Variants in CD6 observed in about 807,000 individuals in gnomAD.
CD6 encodes T-cell differentiation antigen CD6.
Under a neutral mutation model 75.3 loss-of-function variants are expected in CD6, and 53 were observed. That is an observed-to-expected ratio of 0.70 (90% CI 0.56 to 0.88). The LOEUF (loss-of-function observed/expected upper bound fraction) is 0.88. CD6 is among the 40% of genes least tolerant of loss of function. The probability of loss-of-function intolerance (pLI) is 0.00; values close to 1 mark genes in which losing one functional copy is unlikely to be tolerated. For missense variants in CD6, 770 were observed against 897.1 expected (o/e 0.86, Z 1.81); for synonymous variants, 359 against 381.5 (o/e 0.94, Z 0.69).
chr11:61,012,805 G>A (rs1859210099), intron 6 of CD6, among the ~76,000 whole-genome samples: 1 of 152,234 alleles, frequency 6.6e-6, no homozygotes, highest in Non-Finnish European at 1.5e-5. Context: ...TCCTCATGGA[G>A]GGGATGTCTG....
chr11:61,008,013 C>A, intron 3 of CD6, 103 bp downstream of exon 3: 1 of 722,048 alleles, frequency 1.4e-6, no homozygotes, highest in Non-Finnish European at 2.0e-6. Context: ...GCCCTCCAGA[C>A]CTCCACCCCC....
chr11:60,994,173 G>A (rs939835790), intron 1 of CD6, among the ~76,000 whole-genome samples: 1 of 152,160 alleles, frequency 6.6e-6, no homozygotes, highest in Non-Finnish European at 1.5e-5. Flanking sequence ...GGGCGCGGTG[G>A]CTCATGCCTG....
chr11:61,019,379 T>G lies in CD6; in HGVS notation c.*61T>G. On this transcript the variant is annotated 3_prime_UTR_variant, in exon 13 of 13. Coordinates refer to ENST00000313421, the MANE Select transcript of CD6 (RefSeq NM_006725.5). Reference sequence around the variant, plus strand: ...CCCTCTGGCCTCCTGCTCTACCTACTCCCTTTCCCCTTTCCCACCCTCCCA... The same window carrying G: ...CCCTCTGGCCTCCTGCTCTACCTACGCCCTTTCCCCTTTCCCACCCTCCCA... 1 of 1,346,950 alleles carries G rather than the reference T, an allele frequency of 7.4e-7. No individual in the cohort carries two copies. The highest frequency in any genetic ancestry group is 1.0e-6 in the Non-Finnish European group (1 of 964,616). 83.4% of individuals were successfully genotyped at this position (1,346,950 alleles called of 1,614,324 possible).
chr11:61,000,748 T>C (rs989913578), intron 1 of CD6, among the ~76,000 whole-genome samples: 1 of 152,228 alleles, frequency 6.6e-6, no homozygotes, highest in African/African-American at 2.4e-5. Flanking sequence ...AGTATCAGTG[T>C]CCCGTTCCGT....
rs563199432 is a variant in CD6 at position 60,987,107 on chromosome 11, C to CA, written c.49+15200dup. Among the ~76,000 whole-genome samples, 201 of 151,970 alleles carry CA rather than the reference C, an allele frequency of 1.3e-3. 1 individual carries two copies. The highest frequency in any genetic ancestry group is 4.7e-3 in the African/African-American group (196 of 41,462). ...GGCACCACAGTGCGAGACTCCATCT[C>CA]AAAAAAACAAAAACAAAAACAAAAA... On this transcript the variant is annotated intron_variant, in intron 1 of 12. Coordinates refer to ENST00000313421, the MANE Select transcript of CD6 (RefSeq NM_006725.5).
In CD6 at chr11:61,008,835, G is replaced by C. The variant is rs79848107; in HGVS notation, c.771G>C (p.Ala257=). ...GCGGCCACAAAGAGGACGCGGGCGC[G>C]GTGTGCTCAGGTCAGTGGGCGGAGT... ...HYCGHKEDAG[A]VCSEHQSWRL... is the part of the protein sequence containing the mutation. Residue 257 remains alanine, a synonymous_variant, in exon 4 of 13, where the codon GCG becomes GCC. Coordinates refer to ENST00000313421, the MANE Select transcript of CD6 (RefSeq NM_006725.5). 210,378 of 1,541,770 alleles carry C rather than the reference G, an allele frequency of 0.14. 15,505 individuals are homozygous for C. The highest frequency in any genetic ancestry group is 0.28 in the African/African-American group (20,137 of 73,194).
At position 61,016,487 on chromosome 11, in the gene CD6, A is replaced by G. The variant is rs564478312; in HGVS notation, c.1510+652A>G. ...GGATGAGAATTTGGCTGTGTGTGACAGAAAGCTCCAAATGACAGTGTCTTG... is the reference window on the plus strand; with the variant it reads ...GGATGAGAATTTGGCTGTGTGTGACGGAAAGCTCCAAATGACAGTGTCTTG... On this transcript the variant is annotated intron_variant, in intron 9 of 12. Transcript: ENST00000313421. 2.3e-3 allele frequency among the ~76,000 whole-genome samples: 355 copies of G among 152,374 alleles called. 1 individual carries two copies. Among genetic ancestry groups the G allele is most frequent in the Non-Finnish European group, 3.4e-3 (234 of 68,042 alleles).
In CD6 at chr11:61,017,307, ATTGGG is replaced by A. The variant is rs1249578361; in HGVS notation, c.1511-171_1511-167del. 8 of 619,968 alleles carry A rather than the reference ATTGGG, an allele frequency of 1.3e-5. No individual in the cohort carries two copies. The African/African-American group carries it at 1.5e-4, about 11-fold the overall frequency. 38.4% of individuals were successfully genotyped at this position (619,968 alleles called of 1,614,324 possible). ...TAGATTAAGGCGAAGGCTCTGCTGG[ATTGGG>A]ATATGAACCTGGAATTTGATGGGAA... On this transcript the variant is annotated intron_variant, in intron 9 of 12. Transcript: ENST00000313421.
At chr11:60,983,453 C>G (rs55819481) in intron 1 of CD6, among the ~76,000 whole-genome samples, 12,329 of 152,134 alleles carry the variant, frequency 0.081, 686 homozygotes, top group Non-Finnish European at 0.12. Flanking sequence ...GTTGCAAGAA[C>G]AATACAAAGA....
chr11:60,981,902 C>A (rs1009646688), intron 1 of CD6, among the ~76,000 whole-genome samples: 3 of 151,988 alleles, frequency 2.0e-5, no homozygotes, highest in African/African-American at 7.3e-5. Context: ...AATGTGGTCC[C>A]CTGTTTTCCC....
intron 1 of CD6, among the ~76,000 whole-genome samples, chr11:60,988,459 A>C (rs1857915158): frequency 6.6e-6 from 1 of 152,064 alleles, no homozygotes; most frequent in Non-Finnish European, 1.5e-5. Context: ...GTTCTCTTTG[A>C]ATCTGGATTT....
intron 12 of CD6, 121 bp downstream of exon 12, chr11:61,018,514 A>G: frequency 1.3e-6 from 1 of 780,752 alleles, no homozygotes; most frequent in Non-Finnish European, 2.0e-6. Context: ...GTAAAAGAAG[A>G]GAGGGAAAGT....
At chr11:60,980,327 A>AC (rs33987300) in intron 1 of CD6, among the ~76,000 whole-genome samples, 76,353 of 151,708 alleles carry the variant, frequency 0.5, 22,037 homozygotes, top group East Asian at 0.9. Context: ...ACATAGTGTG[A>AC]CCCCCACGTT....
At chr11:60,998,637 G>C (rs1270434447) in intron 1 of CD6, among the ~76,000 whole-genome samples, 1 of 152,076 alleles carries the variant, frequency 6.6e-6, no homozygotes, top group Non-Finnish European at 1.5e-5. Flanking sequence ...AATGAGTATG[G>C]CTTTAGCTGG....
At chr11:60,982,168 G>A (rs1002504641) in intron 1 of CD6, among the ~76,000 whole-genome samples, 9 of 151,986 alleles carry the variant, frequency 5.9e-5, no homozygotes, top group Non-Finnish European at 1.3e-4. Flanking sequence ...GGGGACACAG[G>A]CTGTAAGAGT....
rs9734510 is a variant in CD6, at chr11:61,005,880, G to T, written c.50-694G>T. Reference sequence around the variant, plus strand: ...TGGGAGGTGGAGGTTGCGGTGAGCCGAGATCAAGCCATTGCACTCCAGCCT... The same window carrying T: ...TGGGAGGTGGAGGTTGCGGTGAGCCTAGATCAAGCCATTGCACTCCAGCCT... On this transcript the variant is annotated intron_variant, in intron 1 of 12. Coordinates refer to ENST00000313421, the MANE Select transcript of CD6 (RefSeq NM_006725.5). 5.3e-5 allele frequency among the ~76,000 whole-genome samples: 8 copies of T among 150,904 alleles called. No homozygotes were observed. In the South Asian group the frequency reaches 1.7e-3, roughly 31 times the overall value.
rs77663310 is a variant in CD6, at chr11:60,978,540, C to T, written c.49+6626C>T. ...GTCAAGTTCCTTCCTTTCTCTGGCCCTAGTTTCCTTTCTGGAAAACTGGGT... is the reference window on the plus strand; with the variant it reads ...GTCAAGTTCCTTCCTTTCTCTGGCCTTAGTTTCCTTTCTGGAAAACTGGGT... On this transcript the variant is annotated intron_variant, in intron 1 of 12. Coordinates refer to ENST00000313421, the MANE Select transcript of CD6 (RefSeq NM_006725.5). 2.8e-3 allele frequency among the ~76,000 whole-genome samples: 432 copies of T among 152,298 alleles called. 1 individual carries two copies. The highest frequency in any genetic ancestry group is 1.0e-2 in the African/African-American group (415 of 41,562).
At chr11:60,981,585 C>T (rs1158404624) in intron 1 of CD6, among the ~76,000 whole-genome samples, 2 of 152,206 alleles carry the variant, frequency 1.3e-5, no homozygotes, top group South Asian at 2.1e-4. Flanking sequence ...GTGGGGCTCC[C>T]CAGATGTTGG....
chr11:61,011,856 C>T (rs1859168098), intron 6 of CD6, among the ~76,000 whole-genome samples: 1 of 152,184 alleles, frequency 6.6e-6, no homozygotes, highest in African/African-American at 2.4e-5. Context: ...CCTCAGACAC[C>T]TCAATTATAA....
Sources: gnomAD v4.1 joint callset for allele counts (sites outside exome capture counted in the v4.1 genomes callset) on GRCh38, gnomAD v4.1.1 for gene constraint, MANE v1.5 for transcripts, NCBI Gene and HGNC (gene_info 2026-07-23, HGNC 2026-07-21) for gene names.